MYO1C: variants seen among roughly 807,000 people sequenced by gnomAD.
MYO1C encodes myosin IC, also known as unconventional myosin-Ic.
Under a neutral mutation model 150.8 loss-of-function variants are expected in MYO1C, and 104 were observed. The observed-to-expected ratio is 0.69, with a 90% confidence interval of 0.59 to 0.81. The LOEUF is 0.81. MYO1C is among the 30% of genes least tolerant of loss of function. The pLI is 0.00. For synonymous variants in MYO1C, 663 were observed against 579.9 expected, an observed-to-expected ratio of 1.14 and a Z score of -2.06; for missense variants, 1,504 against 1,435.0, an observed-to-expected ratio of 1.05 and a Z score of -0.78.
At chr17:1,466,467 A>C (rs1043937396) in intron 31 of MYO1C, among the ~76,000 whole-genome samples, 4 of 151,784 alleles carry the variant, frequency 2.6e-5, no homozygotes, top group Non-Finnish European at 5.9e-5. Context: ...AGTAGCTGGG[A>C]TTACAGGCAT....
Position 1,483,453 on chromosome 17 carries a change from G to A in MYO1C, c.347+157C>T, listed in dbSNP as rs557603312. ...TCCCACCCACATGGAGCTGAGTTGC[G>A]ACATTCATCTCTGGTCACTGGGGGG... On this transcript the variant is annotated intron_variant, in intron 3 of 31. Transcript: ENST00000648651. Among the ~76,000 whole-genome samples, 16 of 152,176 alleles carry A rather than the reference G, an allele frequency of 1.1e-4. No homozygotes were observed. In the East Asian group the frequency reaches 2.1e-3, roughly 20 times the overall value.
intron 17 of MYO1C, among the ~76,000 whole-genome samples, chr17:1,473,782 A>G (rs1305931799): frequency 6.6e-6 from 1 of 151,722 alleles, no homozygotes; most frequent in African/African-American, 2.4e-5. Context: ...GGCCCTCACT[A>G]TAGGTTCATC....
At chr17:1,486,262 C>G (rs920782423) in intron 1 of MYO1C, 1 of 152,222 alleles carries the variant, frequency 6.6e-6, no homozygotes, top group Non-Finnish European at 1.5e-5. Context: ...CCACACGCGC[C>G]GGGGCCTGGT....
intron 31 of MYO1C, 80 bp from the exon 32 acceptor site, chr17:1,465,832 T>C: frequency 9.1e-7 from 1 of 1,103,054 alleles, no homozygotes; most frequent in Non-Finnish European, 1.2e-6. Flanking sequence ...TTTTCGTCCT[T>C]GTTTTTTCCT....
In MYO1C at chr17:1,470,420, C is replaced by T; in HGVS notation, c.2366+15G>A. 1 of 1,550,224 alleles carries T rather than the reference C, an allele frequency of 6.5e-7. No homozygotes were observed. Among genetic ancestry groups the T allele is most frequent in the Non-Finnish European group, 8.7e-7 (1 of 1,146,988 alleles). On this transcript the variant is annotated intron_variant, in intron 23 of 31. Transcript: ENST00000648651. ...GCCCTGCTCTGCAGCCCCCACAAGG[C>T]ACCCTGGCGCTCACCGCCGGATGGT...
chr17:1,481,098 G>GCTC, intron 5 of MYO1C: 1 of 588,194 alleles, frequency 1.7e-6, no homozygotes, highest in Non-Finnish European at 3.0e-6. Context: ...CGACCTGGCT[G>GCTC]CTCCACCTGG....
intron 5 of MYO1C, 48 bp downstream of exon 5, chr17:1,482,430 G>A (rs367694431): frequency 3.0e-5 from 46 of 1,533,440 alleles, no homozygotes; most frequent in Non-Finnish European, 3.9e-5. Context: ...CTTCACACGT[G>A]TAGAGCCTAC....
chr17:1,478,518 G>T lies in MYO1C; in HGVS notation c.1213-26C>A. ...CTAGGGCAGTCATTCAACCGAAGGC[G>T]TGGGCCCCCTGCGCGTGCCAGCCCC... On this transcript the variant is annotated intron_variant, in intron 10 of 31. Coordinates refer to ENST00000648651, the MANE Select transcript of MYO1C (RefSeq NM_001080779.2). The surrounding 1 kb of genome is among the most constrained non-coding windows in gnomAD (Gnocchi z 6.3). The T allele has an allele frequency of 6.2e-7, 1 of 1,613,896 alleles. No individual in the cohort carries two copies. The highest frequency in any genetic ancestry group is 8.5e-7 in the Non-Finnish European group (1 of 1,179,956).
In MYO1C at chr17:1,464,292, C is replaced by T. The variant is rs1369548176; in HGVS notation, c.*1434G>A. ...TAGAGGCAGCTGGGCAGCCCCCAGG[C>T]CCTTGAGGGTAGGAGCAGGGAGAAG... On this transcript the variant is annotated 3_prime_UTR_variant, in exon 32 of 32. Coordinates refer to ENST00000648651, the MANE Select transcript of MYO1C (RefSeq NM_001080779.2). The T allele has an allele frequency of 2.6e-5, 4 of 152,706 alleles. No homozygotes were observed. The highest frequency in any genetic ancestry group is 7.2e-5 in the African/African-American group (3 of 41,464). 9.5% of individuals were successfully genotyped at this position (152,706 alleles called of 1,614,324 possible). A position where few individuals can be genotyped will look rare whatever the true frequency, so the allele number is the denominator to read the frequency against.
At position 1,483,027 on chromosome 17, in the gene MYO1C, A is replaced by T; in HGVS notation, c.380T>A (p.Leu127Gln). Reference sequence around the variant, plus strand: ...AGCCTGGTCCCGACGCTCCGTGCGCAGTGCTCGGTACACAGTGTCCGCCAC... The same window carrying T: ...AGCCTGGTCCCGACGCTCCGTGCGCTGTGCTCGGTACACAGTGTCCGCCAC... ...FAVADTVYRA[L>Q]RTERRDQAVM... The change falls in exon 4 of 32, where the codon CTG becomes CAG. Residue 127 changes from leucine (L) to glutamine (Q), a missense_variant. Physicochemically the swap from Leu to Gln is moderately radical, Grantham distance 113. Transcript: ENST00000648651. The T allele has an allele frequency of 6.2e-7, 1 of 1,611,270 alleles. No individual in the cohort carries two copies. The highest frequency in any genetic ancestry group is 8.5e-7 in the Non-Finnish European group (1 of 1,179,724).
rs866381057 is a variant in MYO1C, at chr17:1,484,165, G to A, written c.214C>T (p.Arg72Trp). 5.6e-6 allele frequency: 9 copies of A among 1,612,900 alleles called. No homozygotes were observed. Among genetic ancestry groups the A allele is most frequent in the Admixed American group, 3.3e-5 (2 of 60,008 alleles). Residue 72 changes from arginine (R) to tryptophan (W), a missense_variant, in exon 2 of 32, where the codon CGG becomes TGG. Coordinates refer to ENST00000648651, the MANE Select transcript of MYO1C (RefSeq NM_001080779.2). The part of the protein sequence containing the change: ...AFIENLRRRF[R>W]ENLIYTYIGP... Reference sequence around the variant, plus strand: ...GGCCTCACGTAGATGAGATTCTCCCGAAATCGCCGCCGCAGGTTCTCGATG... The same window carrying A: ...GGCCTCACGTAGATGAGATTCTCCCAAAATCGCCGCCGCAGGTTCTCGATG...
intron 5 of MYO1C, among the ~76,000 whole-genome samples, chr17:1,482,129 C>T (rs765259664): frequency 2.0e-5 from 3 of 152,044 alleles, no homozygotes; most frequent in Non-Finnish European, 4.4e-5. Flanking sequence ...TTAGGGTAAC[C>T]TTGGACTCCT....
rs545088014 is a variant in MYO1C at position 1,470,862 on chromosome 17, C to T, written c.2213-173G>A. ...GGGACTGCCCGGAAAAGGGGGGCGG[C>T]GGGTGGGATGGTGGGCGTGGGGCTG... is the stretch of plus-strand genomic sequence containing the variant. On this transcript the variant is annotated intron_variant, in intron 21 of 31. Coordinates refer to ENST00000648651, the MANE Select transcript of MYO1C (RefSeq NM_001080779.2). The T allele has an allele frequency of 1.2e-4, 39 of 312,548 alleles. No individual in the cohort carries two copies. The East Asian group carries it at 1.6e-3, about 13-fold the overall frequency. 19.4% of individuals were successfully genotyped at this position (312,548 alleles called of 1,614,324 possible).
At chr17:1,480,267 T>C (rs1206278972) in intron 7 of MYO1C, among the ~76,000 whole-genome samples, 2 of 148,404 alleles carry the variant, frequency 1.3e-5, no homozygotes, top group African/African-American at 5.0e-5. Context: ...GCCAACATGG[T>C]GAAACTCCGT....
Position 1,465,424 on chromosome 17 carries a change from C to T in MYO1C, c.*302G>A, listed in dbSNP as rs1029188342. The T allele has an allele frequency of 3.0e-6, 1 of 329,218 alleles. No individual in the cohort carries two copies. Among genetic ancestry groups the T allele is most frequent in the African/African-American group, 2.1e-5 (1 of 46,986 alleles). The allele number at this position is 329,218 out of a possible 1,614,324, so 20.4% of individuals were successfully genotyped here. On this transcript the variant is annotated 3_prime_UTR_variant, in exon 32 of 32. Transcript: ENST00000648651. ...AGTTTCCTATAAAGCATCAAAAAAACCTCAGAGAAAACCTCAGCAAAAGTT... is the reference window on the plus strand; with the variant it reads ...AGTTTCCTATAAAGCATCAAAAAAATCTCAGAGAAAACCTCAGCAAAAGTT...
intron 21 of MYO1C, 180 bp downstream of exon 21, chr17:1,470,891 C>A: frequency 3.3e-6 from 3 of 903,474 alleles, no homozygotes; most frequent in South Asian, 1.4e-5. Context: ...GGGGCTGGAG[C>A]TGGTGGGGAG....
intron 17 of MYO1C, chr17:1,472,470 A>G (rs2074324947): frequency 3.7e-6 from 2 of 546,506 alleles, no homozygotes; most frequent in Admixed American, 6.3e-5. Flanking sequence ...ACTCCTGCTC[A>G]GGTCTCCCAG....
At chr17:1,484,886 A>ACCCCCCCCC in intron 1 of MYO1C, 1 of 47,908 alleles carries the variant, frequency 2.1e-5, no homozygotes, top group South Asian at 1.4e-4. Context: ...ACCCAGACCC[A>ACCCCCCCCC]CCCCCACCTC....
intron 17 of MYO1C, among the ~76,000 whole-genome samples, chr17:1,473,411 G>A (rs2150943065): frequency 6.6e-6 from 1 of 152,192 alleles, no homozygotes; most frequent in Non-Finnish European, 1.5e-5. Flanking sequence ...GGGTGTGTAG[G>A]CATCCTCAGC....
Sources: gnomAD v4.1 joint callset for allele counts (sites outside exome capture counted in the v4.1 genomes callset) on GRCh38, gnomAD v4.1.1 for gene constraint, Gnocchi (gnomAD v3.1) non-coding constraint, MANE v1.5 for transcripts, NCBI Gene and HGNC (gene_info 2026-07-23, HGNC 2026-07-21) for gene names.